DIS3L2: variants seen among roughly 807,000 people sequenced by gnomAD.
The protein encoded by DIS3L2 is DIS3 like 3'-5' exoribonuclease 2.
In DIS3L2, 34 loss-of-function variants were observed where a neutral mutation model predicts 97.5. That is an observed-to-expected ratio of 0.35 (90% CI 0.27 to 0.46). The LOEUF is 0.46. Ranked by LOEUF, DIS3L2 falls within the 20% of genes least tolerant of loss-of-function variation. The probability of loss-of-function intolerance (pLI) is 1.00; values close to 1 mark genes in which losing one functional copy is unlikely to be tolerated. For missense variants in DIS3L2, 1,038 were observed against 1,146.0 expected (o/e 0.91, Z 1.36); for synonymous variants, 435 against 445.2 (o/e 0.98, Z 0.29).
In DIS3L2 at chr2:232,087,510, CAAAG is replaced by C; in HGVS notation, c.394_397del (p.Glu132GlnfsTer23). ...AGGTAGTTAAACCAGAGAGCAATGA[CAAAG>C]AAACAGAAGCTGCGTATGAATCAGA... On this transcript the variant is annotated frameshift_variant, in exon 6 of 21. Coordinates refer to ENST00000325385, the MANE Select transcript of DIS3L2 (RefSeq NM_152383.5). LOFTEE classifies it high-confidence loss of function. The C allele has an allele frequency of 6.2e-7, 1 of 1,611,842 alleles. No homozygotes were observed. The highest frequency in any genetic ancestry group is 8.5e-7 in the Non-Finnish European group (1 of 1,178,994).
Position 232,268,434 on chromosome 2 carries a change from T to C in DIS3L2, c.1659+4994T>C, listed in dbSNP as rs1214399135. ...CCTGTTCCAGCCTTTAAGGCAGGGA[T>C]TGACGGATATTTTCTGTAAAGGACC... On this transcript the variant is annotated intron_variant, in intron 13 of 20. Coordinates refer to ENST00000325385, the MANE Select transcript of DIS3L2 (RefSeq NM_152383.5). The surrounding 1 kb of genome is among the most constrained non-coding windows in gnomAD (Gnocchi z 4.1). Among the ~76,000 whole-genome samples, 2 of 152,208 alleles carry C rather than the reference T, an allele frequency of 1.3e-5. No homozygotes were observed. Among genetic ancestry groups the C allele is most frequent in the Non-Finnish European group, 2.9e-5 (2 of 68,040 alleles).
At position 232,276,897 on chromosome 2, in the gene DIS3L2, G is replaced by T. The variant is rs964207485; in HGVS notation, c.1659+13457G>T. Among the ~76,000 whole-genome samples the T allele has an allele frequency of 2.6e-5, 4 of 152,226 alleles. No individual in the cohort carries two copies. Among genetic ancestry groups the T allele is most frequent in the African/African-American group, 7.2e-5 (3 of 41,460 alleles). On this transcript the variant is annotated intron_variant, in intron 13 of 20. Coordinates refer to ENST00000325385, the MANE Select transcript of DIS3L2 (RefSeq NM_152383.5). The surrounding 1 kb of genome is among the most constrained non-coding windows in gnomAD (Gnocchi z 4.4). The stretch of plus-strand genomic sequence containing the variant: ...TGACACATAGCAAGCACCCAGCAGG[G>T]ATTAGCTGTGTGGCCAGATGGTGAG...
At chr2:232,225,710 G>A (rs1291116277) in intron 10 of DIS3L2, among the ~76,000 whole-genome samples, 1 of 151,906 alleles carries the variant, frequency 6.6e-6, no homozygotes, top group African/African-American at 2.4e-5. Flanking sequence ...TATACTTTAT[G>A]TATTTCATGC....
intron 1 of DIS3L2, among the ~76,000 whole-genome samples, chr2:231,977,875 G>C (rs577507135): frequency 2.6e-5 from 4 of 152,038 alleles, no homozygotes; most frequent in Non-Finnish European, 5.9e-5. Context: ...CATGTTTTTT[G>C]TTTTTATTCT....
intron 5 of DIS3L2, among the ~76,000 whole-genome samples, chr2:232,072,266 G>GA (rs976884538): frequency 6.6e-6 from 1 of 151,628 alleles, no homozygotes; most frequent in Non-Finnish European, 1.5e-5. Flanking sequence ...GTGCTGAAGA[G>GA]AAAAAAAATA....
chr2:232,294,283 C>G (rs1336552246), intron 13 of DIS3L2, among the ~76,000 whole-genome samples: 1 of 152,190 alleles, frequency 6.6e-6, no homozygotes, highest in Non-Finnish European at 1.5e-5. Flanking sequence ...CTGCTTCCCC[C>G]CGGACCCCCT....
At chr2:232,200,809 G>A (rs1398576061) in intron 9 of DIS3L2, among the ~76,000 whole-genome samples, 2 of 145,432 alleles carry the variant, frequency 1.4e-5, no homozygotes, top group Non-Finnish European at 3.0e-5. Flanking sequence ...TTTTGAGATG[G>A]AGTCTTGTCT....
intron 1 of DIS3L2, among the ~76,000 whole-genome samples, chr2:231,991,354 T>C (rs1283608612): frequency 6.6e-6 from 1 of 152,164 alleles, no homozygotes; most frequent in Non-Finnish European, 1.5e-5. Context: ...CTTACTGCAC[T>C]CTTGAACTCC....
intron 13 of DIS3L2, among the ~76,000 whole-genome samples, chr2:232,270,574 T>A (rs1202253672): frequency 3.9e-5 from 6 of 152,212 alleles, no homozygotes; most frequent in African/African-American, 1.4e-4. Context: ...ATTTTTTTGG[T>A]ACTACAAATA....
At chr2:232,034,866 T>G (rs777204417) in intron 5 of DIS3L2, among the ~76,000 whole-genome samples, 1 of 152,228 alleles carries the variant, frequency 6.6e-6, no homozygotes, top group Non-Finnish European at 1.5e-5. Flanking sequence ...TTGCATTTGC[T>G]GAGAAGTGTT....
At chr2:232,095,504 A>G (rs1696979312) in intron 6 of DIS3L2, among the ~76,000 whole-genome samples, 1 of 152,158 alleles carries the variant, frequency 6.6e-6, no homozygotes, top group African/African-American at 2.4e-5. Context: ...CACATCTTAC[A>G]ATATTATCTA....
At chr2:231,978,622 A>C (rs1693162584) in intron 1 of DIS3L2, 1 of 152,252 alleles carries the variant, frequency 6.6e-6, no homozygotes, top group Non-Finnish European at 1.5e-5. Flanking sequence ...AGTCTCCTTT[A>C]AGGCATTCTG....
At chr2:232,227,455 A>T (rs1035427244) in intron 10 of DIS3L2, among the ~76,000 whole-genome samples, 2 of 152,328 alleles carry the variant, frequency 1.3e-5, no homozygotes, top group South Asian at 4.1e-4. Context: ...TAATATAATG[A>T]AGTGCTTTAA....
chr2:232,047,869 G>A (rs541941476), intron 5 of DIS3L2, among the ~76,000 whole-genome samples: 15 of 152,302 alleles, frequency 9.8e-5, no homozygotes, highest in African/African-American at 3.6e-4. Flanking sequence ...AATGTTTTCA[G>A]AGTTCTTCCA....
intron 14 of DIS3L2, among the ~76,000 whole-genome samples, chr2:232,312,412 C>T (rs1432549325): frequency 2.0e-5 from 3 of 152,160 alleles, no homozygotes; most frequent in African/African-American, 7.2e-5. Flanking sequence ...ATGAAGTACC[C>T]ATATGCACAG....
chr2:232,285,097 TTTG>T (rs914071885), intron 13 of DIS3L2, among the ~76,000 whole-genome samples: 5 of 152,310 alleles, frequency 3.3e-5, no homozygotes, highest in Admixed American at 2.6e-4. Context: ...GATCTTAATT[TTTG>T]TTGTTGTTTT....
At chr2:232,040,569 A>G (rs1226539472) in intron 5 of DIS3L2, among the ~76,000 whole-genome samples, 1 of 152,152 alleles carries the variant, frequency 6.6e-6, no homozygotes, top group Non-Finnish European at 1.5e-5. Context: ...GTTAACCATA[A>G]TGAGTTTATT....
chr2:232,174,321 C>T (rs915232129), intron 9 of DIS3L2, among the ~76,000 whole-genome samples: 3 of 151,974 alleles, frequency 2.0e-5, no homozygotes, highest in Non-Finnish European at 4.4e-5. Flanking sequence ...CATGGTGGCT[C>T]ATGCCTGTAA....
chr2:232,125,664 C>T (rs1309413891), intron 6 of DIS3L2, among the ~76,000 whole-genome samples: 4 of 152,152 alleles, frequency 2.6e-5, no homozygotes, highest in African/African-American at 9.7e-5. Context: ...GTGAAATTTG[C>T]TTAGGCCTAG....
Sources: allele counts gnomAD v4.1 joint callset (sites outside exome capture counted in the v4.1 genomes callset), GRCh38; gene constraint gnomAD v4.1.1; non-coding constraint Gnocchi (gnomAD v3.1); transcripts MANE v1.5; gene names NCBI Gene and HGNC (gene_info 2026-07-23, HGNC 2026-07-21).